Variants in PRDM8 observed in about 807,000 individuals in gnomAD.
The protein encoded by PRDM8 is PR domain zinc finger protein 8.
PRDM8 carries 13 observed loss-of-function variants against 46.5 expected under a neutral mutation model. The ratio of observed to expected loss-of-function variants is 0.28; its 90% CI spans 0.18 to 0.44. The LOEUF is 0.44. Ranked by LOEUF, PRDM8 falls within the 20% of genes least tolerant of loss-of-function variation. The probability of loss-of-function intolerance (pLI) is 1.00; values close to 1 mark genes in which losing one functional copy is unlikely to be tolerated. For synonymous variants in PRDM8, 473 were observed against 438.4 expected, an observed-to-expected ratio of 1.08 and a Z score of -0.98; for missense variants, 998 against 955.0, an observed-to-expected ratio of 1.04 and a Z score of -0.59.
chr4:80,197,537 C>G lies in PRDM8; in HGVS notation c.-229C>G, dbSNP rs1386772311. ...ATCGGGTCCATCTGTACAACTCTCT[C>G]CGTTTCTCCGTCTCTCTCCCTCCCT... On this transcript the variant is annotated 5_prime_UTR_variant, in exon 1 of 4. Coordinates refer to ENST00000415738, the MANE Select transcript of PRDM8 (RefSeq NM_001099403.2). The G allele has an allele frequency of 1.0e-6, 1 of 985,740 alleles. No individual in the cohort carries two copies. Among genetic ancestry groups the G allele is most frequent in the Non-Finnish European group, 1.2e-6 (1 of 829,936 alleles). The allele number at this position is 985,740 out of a possible 1,614,324, so 61.1% of individuals were successfully genotyped here.
chr4:80,192,146 C>A lies in PRDM8; in HGVS notation c.-885+577C>A, dbSNP rs184306110. Among the ~76,000 whole-genome samples, 5 of 152,272 alleles carry A rather than the reference C, an allele frequency of 3.3e-5. No homozygotes were observed. The East Asian group carries it at 5.8e-4, about 18-fold the overall frequency. ...GTGTCCCCTGCCTAGACCTCTTTCC[C>A]AGAAGAGCCATGCTTTCTGCTGCTT... On this transcript the variant is annotated intron_variant, in intron 2 of 9. Transcript: ENST00000339711.
At chr4:80,191,974 C>T (rs529389033) in intron 2 of PRDM8, among the ~76,000 whole-genome samples, 3 of 152,232 alleles carry the variant, frequency 2.0e-5, no homozygotes, top group East Asian at 3.9e-4. Context: ...AACTGGTATC[C>T]GCTTCTCAAA....
chr4:80,201,775 C>T (rs139033871), intron 3 of PRDM8, 139 bp from the exon 4 acceptor site: 12 of 1,287,800 alleles, frequency 9.3e-6, no homozygotes, highest in African/African-American at 8.8e-5. Flanking sequence ...CTCAGGCACT[C>T]AGGCCCTGAG....
chr4:80,199,004 T>G (rs1189271555), intron 1 of PRDM8, among the ~76,000 whole-genome samples: 15 of 127,420 alleles, frequency 1.2e-4, no homozygotes, highest in South Asian at 2.5e-4. Context: ...GTTTTTTTTT[T>G]TTTTTTTTTT....
At chr4:80,187,861 G>A (rs1238292567) in intron 1 of PRDM8, among the ~76,000 whole-genome samples, 2 of 152,200 alleles carry the variant, frequency 1.3e-5, no homozygotes, top group African/African-American at 4.8e-5. Context: ...GGCACCAAGA[G>A]ATGGCAGTCA....
upstream of PRDM8, among the ~76,000 whole-genome samples, chr4:80,195,109 T>C (rs138540144): frequency 5.0e-4 from 76 of 152,330 alleles, 1 homozygote; most frequent in East Asian, 0.011. Flanking sequence ...ATGGTTTGCA[T>C]GGACAGATGA....
At chr4:80,197,389 C>T, upstream of PRDM8, 1 of 975,328 alleles carries the variant, frequency 1.0e-6, no homozygotes. Context: ...AGGCAGGCGG[C>T]GCCGGAGGGA....
intron 1 of PRDM8, among the ~76,000 whole-genome samples, chr4:80,199,526 C>T (rs1283101737): frequency 3.3e-5 from 5 of 152,006 alleles, no homozygotes; most frequent in Admixed American, 1.3e-4. Context: ...CGCCATGCTC[C>T]GCTGTCTCCG....
At chr4:80,186,511 T>G (rs1299506299) in intron 1 of PRDM8, among the ~76,000 whole-genome samples, 1 of 149,710 alleles carries the variant, frequency 6.7e-6, no homozygotes, top group Non-Finnish European at 1.5e-5. Flanking sequence ...AAGTTGCTAA[T>G]GTGGAGTTGC....
At chr4:80,188,054 C>T (rs552242380) in intron 1 of PRDM8, among the ~76,000 whole-genome samples, 6 of 152,310 alleles carry the variant, frequency 3.9e-5, no homozygotes, top group East Asian at 3.9e-4. Flanking sequence ...CAGGAGGACC[C>T]GCATTCAGCT....
intron 1 of PRDM8, among the ~76,000 whole-genome samples, chr4:80,198,795 C>T (rs79975826): frequency 0.017 from 2,615 of 151,970 alleles, 65 homozygotes; most frequent in African/African-American, 0.059. Context: ...AACAGCTTTG[C>T]AGGAAAAGAA....
intron 2 of PRDM8, among the ~76,000 whole-genome samples, chr4:80,192,270 G>A (rs1296542006): frequency 2.0e-5 from 3 of 152,170 alleles, no homozygotes; most frequent in Non-Finnish European, 4.4e-5. Flanking sequence ...TATGCTGTGT[G>A]TCTATCGTTG....
Position 80,197,716 on chromosome 4 carries a change from G to A in PRDM8, c.-50G>A, listed in dbSNP as rs535702190. 2 of 982,284 alleles carry A rather than the reference G, an allele frequency of 2.0e-6. No individual in the cohort carries two copies. The highest frequency in any genetic ancestry group is 1.1e-4 in the East Asian group (1 of 8,792). 60.8% of individuals were successfully genotyped at this position (982,284 alleles called of 1,614,324 possible). A position where few individuals can be genotyped will look rare whatever the true frequency, so the allele number is the denominator to read the frequency against. ...AGGAAACACTCGATTGCATCTTCCC[G>A]GTTCCAGGTGGCCTTATTTGGGAGA... On this transcript the variant is annotated 5_prime_UTR_variant, in exon 1 of 4. Transcript: ENST00000415738.
chr4:80,196,859 C>A (rs1453769704), upstream of PRDM8: 1 of 963,032 alleles, frequency 1.0e-6, no homozygotes, highest in East Asian at 1.1e-4. Context: ...ACCGTTATGT[C>A]CCCTTCCGAG....
Position 80,189,476 on chromosome 4 carries a change from C to T in PRDM8, c.-982-1996C>T, listed in dbSNP as rs553041353. ...CTGGGAAAGAGGGAAGGGATGACTG[C>T]CTTTCCTTCCATTTCTCCCTAGAAA... On this transcript the variant is annotated intron_variant, in intron 1 of 9. Coordinates refer to the PRDM8 transcript ENST00000339711. Among the ~76,000 whole-genome samples, 19 of 152,270 alleles carry T rather than the reference C, an allele frequency of 1.2e-4. No individual in the cohort carries two copies. The South Asian group carries it at 3.9e-3, about 32-fold the overall frequency.
chr4:80,196,204 G>A, upstream of PRDM8: 1 of 909,772 alleles, frequency 1.1e-6, no homozygotes, highest in African/African-American at 1.8e-5. Flanking sequence ...TCCTTACGTT[G>A]TGGTTCTGCC....
Position 80,200,147 on chromosome 4 carries a change from A to G in PRDM8, c.67A>G (p.Thr23Ala), listed in dbSNP as rs776195517. The stretch of plus-strand genomic sequence containing the variant: ...TGCCAAGGCTGTCCAACAATGTCTG[A>G]CAGATATTTTTACCAGCGTTTACAC... ...GDAKAVQQCL[T>A]DIFTSVYTTC... Residue 23 changes from threonine to alanine, a missense_variant, in exon 2 of 4, where the codon ACA becomes GCA. Coordinates refer to ENST00000415738, the MANE Select transcript of PRDM8 (RefSeq NM_001099403.2). 1.2e-6 allele frequency: 2 copies of G among 1,614,028 alleles called. No homozygotes were observed. Among genetic ancestry groups the G allele is most frequent in the African/African-American group, 2.7e-5 (2 of 74,912 alleles).
upstream of PRDM8, chr4:80,196,143 A>G (rs757229604): frequency 6.3e-6 from 6 of 945,032 alleles, no homozygotes; most frequent in Non-Finnish European, 7.6e-6. Flanking sequence ...CTCTTTGCCA[A>G]CTCCCCAAAT....
chr4:80,200,501 C>T (rs1183152029), intron 2 of PRDM8, among the ~76,000 whole-genome samples: 2 of 152,184 alleles, frequency 1.3e-5, no homozygotes, highest in African/African-American at 4.8e-5. Context: ...GAATAAATGA[C>T]AAAATTTGAT....
Sources: gnomAD v4.1 joint callset for allele counts (sites outside exome capture counted in the v4.1 genomes callset) on GRCh38, gnomAD v4.1.1 for gene constraint, MANE v1.5 for transcripts, NCBI Gene and HGNC (gene_info 2026-07-23, HGNC 2026-07-21) for gene names.